Variants in ASPG observed in about 807,000 individuals in gnomAD.
ASPG encodes 60 kDa lysophospholipase.
ASPG carries 53 observed loss-of-function variants against 63.2 expected under a neutral mutation model. The observed-to-expected ratio is 0.84, with a 90% CI of 0.67 to 1.05. The LOEUF (loss-of-function observed/expected upper bound fraction) is 1.05, where lower values mean the gene tolerates loss of function less well. ASPG is among the 50% of genes least tolerant of loss of function. The pLI is 0.00. For missense variants in ASPG, 741 were observed against 794.4 expected, an observed-to-expected ratio of 0.93 and a Z score of 0.81; for synonymous variants, 370 against 355.0, an observed-to-expected ratio of 1.04 and a Z score of -0.48.
chr14:104,110,951 C>T lies in ASPG; in HGVS notation c.1521-551C>T. On this transcript the variant is annotated intron_variant, in intron 13 of 15. Transcript: ENST00000551177. The surrounding 1 kb of genome is among the most constrained non-coding windows in gnomAD (Gnocchi z 4.7). ...CTGTCCCAGCCAGGACCCCCCCATG[C>T]AGTCTGCCGGGGTCCAGGGCCAACC... 1.0e-6 allele frequency: 1 copy of T among 985,416 alleles called. No homozygotes were observed. The highest frequency in any genetic ancestry group is 1.2e-6 in the Non-Finnish European group (1 of 829,906). 61.0% of individuals were successfully genotyped at this position (985,416 alleles called of 1,614,324 possible). A position where few individuals can be genotyped will look rare whatever the true frequency, so the allele number is the denominator to read the frequency against.
intron 14 of ASPG, 21 bp downstream of exon 14, chr14:104,111,622 C>T (rs2037387052): frequency 3.9e-6 from 6 of 1,544,066 alleles, no homozygotes; most frequent in African/African-American, 1.4e-5. Flanking sequence ...CCACCCCCTG[C>T]ACCCTCTCCA....
chr14:104,110,488 C>G lies in ASPG; in HGVS notation c.1521-1014C>G. 1.0e-6 allele frequency: 1 copy of G among 985,278 alleles called. No individual in the cohort carries two copies. Among genetic ancestry groups the G allele is most frequent in the Non-Finnish European group, 1.2e-6 (1 of 829,868 alleles). The allele number at this position is 985,278 out of a possible 1,614,324, so 61.0% of individuals were successfully genotyped here. On this transcript the variant is annotated intron_variant, in intron 13 of 15. Coordinates refer to ENST00000551177, the MANE Select transcript of ASPG (RefSeq NM_001080464.3). This position sits in a 1 kb window ranked among gnomAD's most constrained non-coding sequence, Gnocchi z 4.7. ...GGGAGCTGGGACCAGAACCCTGGTC[C>G]AGGACTCTGCTTGGAAGTGGCCTGG...
Position 104,110,255 on chromosome 14 carries a change from G to T in ASPG, c.1520+940G>T. ...GGGGAGTGGGTGATGGCGGGGGCTC[G>T]GCTCACTGGCTGGGAGGGGGTGGGT... On this transcript the variant is annotated intron_variant, in intron 13 of 15. Coordinates refer to ENST00000551177, the MANE Select transcript of ASPG (RefSeq NM_001080464.3). The surrounding 1 kb of genome is among the most constrained non-coding windows in gnomAD (Gnocchi z 4.7). 1.0e-6 allele frequency: 1 copy of T among 985,066 alleles called. No homozygotes were observed. Among genetic ancestry groups the T allele is most frequent in the Non-Finnish European group, 1.2e-6 (1 of 829,740 alleles). The allele number at this position is 985,066 out of a possible 1,614,324, so 61.0% of individuals were successfully genotyped here. A position where few individuals can be genotyped will look rare whatever the true frequency, so the allele number is the denominator to read the frequency against.
chr14:104,098,129 G>C (rs61997619), intron 5 of ASPG, among the ~76,000 whole-genome samples: 2,019 of 28,414 alleles, frequency 0.071, 479 homozygotes, highest in East Asian at 0.16. Flanking sequence ...GAGGTTCTCC[G>C]TTAGAGATAC....
chr14:104,109,668 G>A lies in ASPG; in HGVS notation c.1520+353G>A, dbSNP rs1433640919. ...TGTCGGGTGTGAGAGGGGCTGGGGT[G>A]TGGACTGGGGGGTGGCTGGGGCTGC... On this transcript the variant is annotated intron_variant, in intron 13 of 15. Coordinates refer to ENST00000551177, the MANE Select transcript of ASPG (RefSeq NM_001080464.3). This position sits in a 1 kb window ranked among gnomAD's most constrained non-coding sequence, Gnocchi z 4.8. Among the ~76,000 whole-genome samples, 4 of 150,282 alleles carry A rather than the reference G, an allele frequency of 2.7e-5. No individual in the cohort carries two copies. Among genetic ancestry groups the A allele is most frequent in the African/African-American group, 9.8e-5 (4 of 40,712 alleles).
rs1186373782 is a variant in ASPG, at chr14:104,113,358, C to A, written c.*814C>A. ...AGCCTGGGCAGGTGGGCGGGTGGGG[C>A]GGGCCCTGCTGCTGCCCGGTGGGGG... On this transcript the variant is annotated 3_prime_UTR_variant, in exon 16 of 16. Transcript: ENST00000551177. 2 of 113,170 alleles carry A rather than the reference C, an allele frequency of 1.8e-5. No individual in the cohort carries two copies. The highest frequency in any genetic ancestry group is 3.9e-5 in the Non-Finnish European group (2 of 51,624). 7.0% of individuals were successfully genotyped at this position (113,170 alleles called of 1,614,324 possible). A position where few individuals can be genotyped will look rare whatever the true frequency, so the allele number is the denominator to read the frequency against.
Position 104,110,530 on chromosome 14 carries a change from G to C in ASPG, c.1521-972G>C. On this transcript the variant is annotated intron_variant, in intron 13 of 15. Coordinates refer to ENST00000551177, the MANE Select transcript of ASPG (RefSeq NM_001080464.3). This position sits in a 1 kb window ranked among gnomAD's most constrained non-coding sequence, Gnocchi z 4.7. The stretch of plus-strand genomic sequence containing the variant: ...GTGGCCTGGCCAGCCTGAGCTGCTG[G>C]CTGGACTTGAGCCCCTCGGCTAGGC... 5 of 985,340 alleles carry C rather than the reference G, an allele frequency of 5.1e-6. No individual in the cohort carries two copies. The highest frequency in any genetic ancestry group is 4.8e-6 in the Non-Finnish European group (4 of 829,884). 61.0% of individuals were successfully genotyped at this position (985,340 alleles called of 1,614,324 possible). A position where few individuals can be genotyped will look rare whatever the true frequency, so the allele number is the denominator to read the frequency against.
At chr14:104,105,715 G>A (rs562727023) in intron 10 of ASPG, among the ~76,000 whole-genome samples, 6 of 152,340 alleles carry the variant, frequency 3.9e-5, no homozygotes, top group South Asian at 2.1e-4. Context: ...GCCTTAGTGC[G>A]GGGCTGCCTC....
intron 9 of ASPG, 119 bp from the exon 10 acceptor site, chr14:104,105,209 G>A (rs762481304): frequency 2.0e-6 from 3 of 1,501,724 alleles, no homozygotes; most frequent in Non-Finnish European, 9.2e-7. Context: ...AAGCACACAC[G>A]GCCGAGGCTC....
Position 104,110,306 on chromosome 14 carries a change from G to A in ASPG, c.1520+991G>A. ...GCAGGCGCCTGCCCAGCAGGAGGAGGACTAGCAGCTCTGGCTTCTCCTCTG... is the reference window on the plus strand; with the variant it reads ...GCAGGCGCCTGCCCAGCAGGAGGAGAACTAGCAGCTCTGGCTTCTCCTCTG... On this transcript the variant is annotated intron_variant, in intron 13 of 15. Transcript: ENST00000551177. This position sits in a 1 kb window ranked among gnomAD's most constrained non-coding sequence, Gnocchi z 4.7. 2 of 985,324 alleles carry A rather than the reference G, an allele frequency of 2.0e-6. No homozygotes were observed. The highest frequency in any genetic ancestry group is 2.4e-6 in the Non-Finnish European group (2 of 829,894). The allele number at this position is 985,324 out of a possible 1,614,324, so 61.0% of individuals were successfully genotyped here. A position where few individuals can be genotyped will look rare whatever the true frequency, so the allele number is the denominator to read the frequency against.
intron 1 of ASPG, among the ~76,000 whole-genome samples, chr14:104,087,157 C>T (rs1016230778): frequency 1.3e-5 from 2 of 152,216 alleles, no homozygotes; most frequent in Non-Finnish European, 2.9e-5. Flanking sequence ...CCTAGTGGGG[C>T]TCGTCCACGA....
chr14:104,105,835 C>T (rs989521092), intron 10 of ASPG, among the ~76,000 whole-genome samples: 3 of 152,182 alleles, frequency 2.0e-5, no homozygotes, highest in Non-Finnish European at 4.4e-5. Context: ...GAGGTGAGGG[C>T]CAGCCTTTGA....
At position 104,113,049 on chromosome 14, in the gene ASPG, G is replaced by A; in HGVS notation, c.*505G>A. On this transcript the variant is annotated 3_prime_UTR_variant, in exon 16 of 16. Transcript: ENST00000551177. The stretch of plus-strand genomic sequence containing the variant: ...AGCCCTCCAACCCCTGGATGAGCAT[G>A]CTGCCCCTGCTTAACTCTTTAGTCC... The A allele has an allele frequency of 4.7e-6, 1 of 211,752 alleles. No individual in the cohort carries two copies. The highest frequency in any genetic ancestry group is 9.6e-6 in the Non-Finnish European group (1 of 104,480). The allele number at this position is 211,752 out of a possible 1,614,324, so 13.1% of individuals were successfully genotyped here. A position where few individuals can be genotyped will look rare whatever the true frequency, so the allele number is the denominator to read the frequency against.
Position 104,093,050 on chromosome 14 carries a change from C to T in ASPG, c.191+309C>T, listed in dbSNP as rs1236084841. The stretch of plus-strand genomic sequence containing the variant: ...TCCTGTATATCAGGAGCCAGCTGGC[C>T]CAGGTGGCCTTGCCCCCAGCATAGA... On this transcript the variant is annotated intron_variant, in intron 2 of 15. Coordinates refer to ENST00000551177, the MANE Select transcript of ASPG (RefSeq NM_001080464.3). 30 of 483,950 alleles carry T rather than the reference C, an allele frequency of 6.2e-5. No individual in the cohort carries two copies. In the East Asian group the frequency reaches 1.0e-3, roughly 16 times the overall value. The allele number at this position is 483,950 out of a possible 1,614,324, so 30.0% of individuals were successfully genotyped here. A position where few individuals can be genotyped will look rare whatever the true frequency, so the allele number is the denominator to read the frequency against.
In ASPG at chr14:104,091,412, C is replaced by T. The variant is rs989729164; in HGVS notation, c.83-1221C>T. The stretch of plus-strand genomic sequence containing the variant: ...GGGCTCCGCCTCCCCCGTCTGCTGG[C>T]TGAGCCCTACTGGCGGGGTGATTTT... On this transcript the variant is annotated intron_variant, in intron 1 of 15. Transcript: ENST00000551177. The surrounding 1 kb of genome is among the most constrained non-coding windows in gnomAD (Gnocchi z 6.4). Among the ~76,000 whole-genome samples the T allele has an allele frequency of 2.6e-5, 4 of 152,194 alleles. No individual in the cohort carries two copies. Among genetic ancestry groups the T allele is most frequent in the African/African-American group, 9.7e-5 (4 of 41,444 alleles).
chr14:104,093,001 T>C, intron 2 of ASPG: 3 of 539,626 alleles, frequency 5.6e-6, no homozygotes, highest in Non-Finnish European at 1.0e-5. Context: ...TCGGCAAGTG[T>C]GATGAGGGCG....
In ASPG at chr14:104,105,467, C is replaced by T. The variant is rs377175829; in HGVS notation, c.1173+17C>T. The T allele has an allele frequency of 2.2e-4, 347 of 1,556,122 alleles. 2 individuals are homozygous for T. The Middle Eastern group carries it at 2.9e-3, about 13-fold the overall frequency. On this transcript the variant is annotated intron_variant, in intron 10 of 15. Coordinates refer to ENST00000551177, the MANE Select transcript of ASPG (RefSeq NM_001080464.3). ...GGCAGCCAGGTAATGGCGTGGGACACGGGCCTGAGTGGCAGCTGGGGACTG... is the reference window on the plus strand; with the variant it reads ...GGCAGCCAGGTAATGGCGTGGGACATGGGCCTGAGTGGCAGCTGGGGACTG...
At chr14:104,106,962 G>T in intron 11 of ASPG, 68 bp downstream of exon 11, 10 of 1,466,366 alleles carry the variant, frequency 6.8e-6, no homozygotes, top group Non-Finnish European at 9.2e-6. Flanking sequence ...AACCCTGTAG[G>T]CAGGACGGCC....
At chr14:104,108,220 C>T (rs115975491) in intron 12 of ASPG, among the ~76,000 whole-genome samples, 261 of 150,868 alleles carry the variant, frequency 1.7e-3, no homozygotes, top group African/African-American at 6.0e-3. Context: ...ACAGGGTGCT[C>T]AAAAGAATAG....
Sources: allele counts gnomAD v4.1 joint callset (sites outside exome capture counted in the v4.1 genomes callset), GRCh38; gene constraint gnomAD v4.1.1; non-coding constraint Gnocchi (gnomAD v3.1); transcripts MANE v1.5; gene names NCBI Gene and HGNC (gene_info 2026-07-23, HGNC 2026-07-21).